The following NEBL variants were observed in gnomAD, a reference collection of about 807,000 sequenced individuals.
NEBL encodes the protein LIM and SH3 protein 2.
In NEBL, 122 loss-of-function variants were observed where a neutral mutation model predicts 140.2. The observed-to-expected ratio is 0.87, with a 90% CI of 0.75 to 1.01. The LOEUF is 1.01. NEBL is among the 50% of genes least tolerant of loss of function. The pLI is 0.00. For missense variants in NEBL, 1,365 were observed against 1,231.3 expected (o/e 1.11, Z -1.62); for synonymous variants, 436 against 398.9 (o/e 1.09, Z -1.11).
chr10:20,831,171 C>T, intron 16 of NEBL, 25 bp downstream of exon 16: 1 of 1,480,860 alleles, frequency 6.8e-7, no homozygotes, highest in South Asian at 1.1e-5. Context: ...ATACACGATT[C>T]TGAGCATCTT....
chr10:20,885,747 G>C (rs576666601), intron 4 of NEBL, among the ~76,000 whole-genome samples: 2 of 152,198 alleles, frequency 1.3e-5, no homozygotes, highest in South Asian at 4.2e-4. Context: ...CTTAATTGTT[G>C]CTTGTCACAT....
At chr10:20,879,174 C>A (rs16921209) in intron 5 of NEBL, among the ~76,000 whole-genome samples, 1 of 152,146 alleles carries the variant, frequency 6.6e-6, no homozygotes, top group Non-Finnish European at 1.5e-5. Flanking sequence ...TTGACAGTAA[C>A]CTTTAAGGTG....
intron 2 of NEBL, among the ~76,000 whole-genome samples, chr10:21,142,920 A>C (rs1428595679): frequency 1.3e-5 from 2 of 152,186 alleles, no homozygotes; most frequent in African/African-American, 4.8e-5. Context: ...CCCTGGTGCC[A>C]AAAAGGTTGG....
chr10:21,154,492 C>T (rs1430078243), intron 2 of NEBL, among the ~76,000 whole-genome samples: 4 of 145,722 alleles, frequency 2.7e-5, no homozygotes, highest in Non-Finnish European at 4.5e-5. Context: ...ACAATGTAAA[C>T]AAGCTATAAC....
chr10:21,270,837 T>C (rs571781127), intron 1 of NEBL, among the ~76,000 whole-genome samples: 52 of 152,328 alleles, frequency 3.4e-4, no homozygotes, highest in African/African-American at 9.4e-4. Context: ...CGTATGGATA[T>C]GTACATTAAA....
intron 2 of NEBL, among the ~76,000 whole-genome samples, chr10:21,035,208 G>C (rs1184069768): frequency 6.6e-6 from 1 of 152,060 alleles, no homozygotes; most frequent in Non-Finnish European, 1.5e-5. Flanking sequence ...ATGTTGGCCA[G>C]GCTGTTTTCA....
chr10:20,949,314 G>A (rs925291960), intron 4 of NEBL, among the ~76,000 whole-genome samples: 5 of 152,244 alleles, frequency 3.3e-5, no homozygotes, highest in Middle Eastern at 3.4e-3. Context: ...GGGAAAAGCG[G>A]AGGAAGAGCA....
intron 4 of NEBL, among the ~76,000 whole-genome samples, chr10:20,927,696 T>C (rs1833979665): frequency 6.6e-6 from 1 of 152,200 alleles, no homozygotes; most frequent in Non-Finnish European, 1.5e-5. Flanking sequence ...GAATGACTTA[T>C]GTGTGGTATA....
At chr10:21,207,704 C>G (rs1204341111) in intron 3 of NEBL, among the ~76,000 whole-genome samples, 2 of 152,114 alleles carry the variant, frequency 1.3e-5, no homozygotes, top group Non-Finnish European at 2.9e-5. Flanking sequence ...TGGCTCCCTC[C>G]TTACAGACTG....
At chr10:21,127,378 T>C (rs568670176) in intron 2 of NEBL, among the ~76,000 whole-genome samples, 1 of 152,236 alleles carries the variant, frequency 6.6e-6, no homozygotes, top group Non-Finnish European at 1.5e-5. Flanking sequence ...GAGAAGTCCA[T>C]TGCAAAAACC....
At chr10:21,123,456 T>G (rs927624301) in intron 2 of NEBL, among the ~76,000 whole-genome samples, 3 of 152,212 alleles carry the variant, frequency 2.0e-5, no homozygotes, top group Non-Finnish European at 2.9e-5. Flanking sequence ...ATTCATACAC[T>G]GAAGATATCA....
chr10:20,939,729 G>A (rs1228732831), intron 4 of NEBL, among the ~76,000 whole-genome samples: 3 of 152,128 alleles, frequency 2.0e-5, no homozygotes, highest in Non-Finnish European at 4.4e-5. Flanking sequence ...AAAATAAAGG[G>A]ATGGAGGAAG....
chr10:20,853,462 G>A (rs1003801165), intron 9 of NEBL, among the ~76,000 whole-genome samples: 2 of 152,094 alleles, frequency 1.3e-5, no homozygotes, highest in Non-Finnish European at 2.9e-5. Context: ...ATACACAACG[G>A]AATACTATAC....
intron 2 of NEBL, among the ~76,000 whole-genome samples, chr10:21,075,574 C>T (rs6482159): frequency 0.29 from 44,223 of 151,996 alleles, 9,221 homozygotes; most frequent in African/African-American, 0.59. Context: ...TCCAGAAGCA[C>T]GATGCAGTTG....
At chr10:21,114,892 A>G (rs114965148) in intron 2 of NEBL, among the ~76,000 whole-genome samples, 2 of 151,638 alleles carry the variant, frequency 1.3e-5, no homozygotes, top group Non-Finnish European at 2.9e-5. Flanking sequence ...GACCATTTAC[A>G]TTTAATGTGG....
intron 4 of NEBL, among the ~76,000 whole-genome samples, chr10:20,940,882 C>T (rs1030117033): frequency 8.5e-5 from 13 of 152,238 alleles, no homozygotes; most frequent in African/African-American, 3.1e-4. Context: ...CAAGACTAAA[C>T]CAGGAAGAAG....
chr10:21,162,513 G>A (rs547878431), intron 2 of NEBL, among the ~76,000 whole-genome samples: 74 of 152,180 alleles, frequency 4.9e-4, no homozygotes, highest in African/African-American at 1.4e-3. Context: ...ATTGCATTGC[G>A]GTATTGTAAC....
chr10:20,793,060 A>T (rs905456413), intron 26 of NEBL, among the ~76,000 whole-genome samples: 1 of 152,162 alleles, frequency 6.6e-6, no homozygotes, highest in Non-Finnish European at 1.5e-5. Flanking sequence ...GCACTACAGA[A>T]ACCCCTTTTC....
chr10:21,239,812 C>T (rs958903821), intron 3 of NEBL, among the ~76,000 whole-genome samples: 3 of 151,916 alleles, frequency 2.0e-5, no homozygotes, highest in Admixed American at 2.0e-4. Flanking sequence ...GTCAGGAGAT[C>T]AAGACCATCC....
Sources: allele counts gnomAD v4.1 joint callset (sites outside exome capture counted in the v4.1 genomes callset), GRCh38; gene constraint gnomAD v4.1.1; transcripts MANE v1.5; gene names NCBI Gene and HGNC (gene_info 2026-07-23, HGNC 2026-07-21).